The following NEDD4L variants were observed in gnomAD, a reference collection of about 807,000 sequenced individuals.
NEDD4L encodes NEDD4 like E3 ubiquitin protein ligase.
A neutral mutation model predicts 148.9 loss-of-function variants in NEDD4L; 54 were observed. The observed-to-expected ratio is 0.36, with a 90% CI of 0.29 to 0.45. The LOEUF (loss-of-function observed/expected upper bound fraction) is 0.45, where lower values mean the gene tolerates loss of function less well. NEDD4L is among the 20% of genes least tolerant of loss of function. The pLI, the probability that NEDD4L is intolerant of heterozygous loss-of-function variation, is 1.00. For missense variants in NEDD4L, 856 were observed against 1,233.8 expected (o/e 0.69, Z 4.59); for synonymous variants, 433 against 440.7 (o/e 0.98, Z 0.22).
intron 2 of NEDD4L, among the ~76,000 whole-genome samples, chr18:58,168,881 TG>T (rs1337929963): frequency 6.6e-6 from 1 of 152,214 alleles, no homozygotes; most frequent in African/African-American, 2.4e-5. Context: ...GGAGGTTCCC[TG>T]GGCCACTTGG....
At chr18:58,315,055 C>A (rs8086905) in intron 5 of NEDD4L, among the ~76,000 whole-genome samples, 162 of 152,308 alleles carry the variant, frequency 1.1e-3, no homozygotes, top group African/African-American at 3.6e-3. Context: ...CTCAAGCTGG[C>A]TATGGGGCTG....
chr18:58,295,727 T>C (rs2055461833), intron 5 of NEDD4L, among the ~76,000 whole-genome samples: 1 of 152,046 alleles, frequency 6.6e-6, no homozygotes, highest in African/African-American at 2.4e-5. Context: ...TGAGGAAGGA[T>C]GATAGGAGCA....
intron 5 of NEDD4L, among the ~76,000 whole-genome samples, chr18:58,268,545 T>C (rs2050562494): frequency 6.6e-6 from 1 of 152,022 alleles, no homozygotes; most frequent in African/African-American, 2.4e-5. Context: ...GTTTATCATG[T>C]GTTTCCTTGA....
intron 1 of NEDD4L, among the ~76,000 whole-genome samples, chr18:58,068,715 A>G (rs943858727): frequency 6.6e-6 from 1 of 152,208 alleles, no homozygotes; most frequent in African/African-American, 2.4e-5. Context: ...ATTGCTCTGC[A>G]GGAGACATAG....
chr18:58,341,717 A>T lies in NEDD4L; in HGVS notation c.1297A>T (p.Asn433Tyr). ...DGASGSATNS[N>Y]NHLIEPQIRR... ...TGCGTCCGGATCAGCCACAAACAGT[A>T]ACAACCATCTAATCGAGCCTCAGAT... Residue 433 changes from asparagine to tyrosine, a missense_variant, in exon 15 of 31, where the codon AAC becomes TAC. Transcript: ENST00000400345. 1 of 1,613,926 alleles carries T rather than the reference A, an allele frequency of 6.2e-7. No individual in the cohort carries two copies. Among genetic ancestry groups the T allele is most frequent in the Non-Finnish European group, 8.5e-7 (1 of 1,179,878 alleles).
At chr18:58,045,281 T>C (rs774405774) in intron 1 of NEDD4L, 29 of 396,432 alleles carry the variant, frequency 7.3e-5, no homozygotes, top group Non-Finnish European at 1.0e-4. Context: ...ACGGCCAGGA[T>C]TGTGGATTTC....
At position 58,066,212 on chromosome 18, in the gene NEDD4L, T is replaced by G. The variant is rs2082582759; in HGVS notation, c.48+21504T>G. On this transcript the variant is annotated intron_variant, in intron 1 of 30. Transcript: ENST00000400345. ...TGACATGTTTTGGGTAAACCGTTTT[T>G]GGAAGCGTCCATTTGTGTAGAAGTT... is the stretch of plus-strand genomic sequence containing the variant. Among the ~76,000 whole-genome samples the G allele has an allele frequency of 2.0e-5, 3 of 152,198 alleles. No individual in the cohort carries two copies. In the South Asian group the frequency reaches 6.2e-4, roughly 32 times the overall value.
chr18:58,234,219 T>TC (rs2045710873), intron 2 of NEDD4L, among the ~76,000 whole-genome samples: 3 of 114,874 alleles, frequency 2.6e-5, no homozygotes, highest in Non-Finnish European at 1.7e-5. Flanking sequence ...CTCCCTCCCT[T>TC]CCTTCCTTCT....
At chr18:58,297,139 G>T (rs1397266643) in intron 5 of NEDD4L, among the ~76,000 whole-genome samples, 1 of 152,076 alleles carries the variant, frequency 6.6e-6, no homozygotes, top group African/African-American at 2.4e-5. Flanking sequence ...TGCATTTAGG[G>T]CCCAGAACAA....
Position 58,366,262 on chromosome 18 carries a change from CA to C in NEDD4L, c.2063+35del. ...ATGGCCACACCCAGTGTGTGTCCCCCACTGAGACAGTTGTATGAATTTAAAC... is the reference window on the plus strand; with the variant it reads ...ATGGCCACACCCAGTGTGTGTCCCCCCTGAGACAGTTGTATGAATTTAAAC... On this transcript the variant is annotated intron_variant, in intron 21 of 30. Transcript: ENST00000400345. This position sits in a 1 kb window ranked among gnomAD's most constrained non-coding sequence, Gnocchi z 4.2. 7.2e-7 allele frequency: 1 copy of C among 1,383,714 alleles called. No homozygotes were observed. Among genetic ancestry groups the C allele is most frequent in the Non-Finnish European group, 9.9e-7 (1 of 1,008,516 alleles). 85.7% of individuals were successfully genotyped at this position (1,383,714 alleles called of 1,614,324 possible).
chr18:58,130,130 G>T lies in NEDD4L; in HGVS notation c.49-35658G>T, dbSNP rs530360950. Among the ~76,000 whole-genome samples the T allele has an allele frequency of 1.4e-3, 204 of 142,712 alleles. 1 individual carries two copies. The highest frequency in any genetic ancestry group is 5.2e-3 in the African/African-American group (198 of 38,090). The allele number at this position is 142,712 out of a possible 152,430, so 93.6% of individuals were successfully genotyped here. A position where few individuals can be genotyped will look rare whatever the true frequency, so the allele number is the denominator to read the frequency against. ...GGGGTTTGGTTGACTGTGATCTAGC[G>T]GAACTGTGGCTGTGTTGGGCTCTGT... is the stretch of plus-strand genomic sequence containing the variant. On this transcript the variant is annotated intron_variant, in intron 1 of 30. Transcript: ENST00000400345.
At chr18:58,047,235 G>T in intron 1 of NEDD4L, 1 of 984,678 alleles carries the variant, frequency 1.0e-6, no homozygotes, top group Non-Finnish European at 1.2e-6. Flanking sequence ...TATTTTGACC[G>T]CTATTTAGAA....
intron 15 of NEDD4L, among the ~76,000 whole-genome samples, chr18:58,342,045 G>A (rs1199601956): frequency 1.3e-5 from 2 of 152,180 alleles, no homozygotes; most frequent in African/African-American, 4.8e-5. Context: ...TGCTGGACGT[G>A]GGCACTCTCT....
chr18:58,268,709 T>G (rs1028507236), intron 5 of NEDD4L, among the ~76,000 whole-genome samples: 2 of 152,024 alleles, frequency 1.3e-5, no homozygotes, highest in African/African-American at 2.4e-5. Flanking sequence ...AGAACGTGGA[T>G]TTAAATAAAG....
intron 2 of NEDD4L, among the ~76,000 whole-genome samples, chr18:58,200,851 GT>G (rs1454255887): frequency 6.6e-6 from 1 of 152,220 alleles, no homozygotes; most frequent in Non-Finnish European, 1.5e-5. Context: ...ATACAGTGAG[GT>G]CTGTACAGAT....
rs1371742787 is a variant in NEDD4L, at chr18:58,135,059, C to T, written c.49-30729C>T. Among the ~76,000 whole-genome samples the T allele has an allele frequency of 2.2e-5, 3 of 133,752 alleles. No individual in the cohort carries two copies. In the Admixed American group the frequency reaches 2.3e-4, roughly 10 times the overall value. The allele number at this position is 133,752 out of a possible 152,430, so 87.7% of individuals were successfully genotyped here. On this transcript the variant is annotated intron_variant, in intron 1 of 30. Coordinates refer to ENST00000400345, the MANE Select transcript of NEDD4L (RefSeq NM_001144967.3). ...TTAGTGCCTCAAATCAAGGGTTTCA[C>T]ATTTTCTTTTTTTTTTTGGAATTGC...
chr18:58,195,838 C>A, intron 2 of NEDD4L: 1 of 631,992 alleles, frequency 1.6e-6, no homozygotes, highest in Non-Finnish European at 2.6e-6. Flanking sequence ...CCCAAATGTG[C>A]AGGATTAGGG....
chr18:58,183,569 C>T (rs1431548096), intron 2 of NEDD4L, among the ~76,000 whole-genome samples: 1 of 152,180 alleles, frequency 6.6e-6, no homozygotes, highest in African/African-American at 2.4e-5. Context: ...CCTGCAGCAC[C>T]CCCCTCCTTG....
intron 3 of NEDD4L, among the ~76,000 whole-genome samples, chr18:58,247,810 CT>C (rs2047451356): frequency 6.6e-6 from 1 of 152,250 alleles, no homozygotes; most frequent in Non-Finnish European, 1.5e-5. Context: ...GCCAGGCCTG[CT>C]GCTCCACTCC....
Sources: gnomAD v4.1 joint callset for allele counts (sites outside exome capture counted in the v4.1 genomes callset) on GRCh38, gnomAD v4.1.1 for gene constraint, Gnocchi (gnomAD v3.1) non-coding constraint, MANE v1.5 for transcripts, NCBI Gene and HGNC (gene_info 2026-07-23, HGNC 2026-07-21) for gene names.